Variants in PTPRD observed in about 807,000 individuals in gnomAD.
PTPRD encodes protein tyrosine phosphatase receptor type D.
In PTPRD, 34 loss-of-function variants were observed where a neutral mutation model predicts 214.5. The ratio of observed to expected loss-of-function variants is 0.16; its 90% confidence interval spans 0.12 to 0.21. The LOEUF is 0.21. Ranked by LOEUF, PTPRD falls within the 10% of genes least tolerant of loss-of-function variation. PTPRD has a pLI of 1.00. For synonymous variants in PTPRD, 1,128 were observed against 845.7 expected (o/e 1.33, Z -5.79); for missense variants, 2,545 against 2,398.7 (o/e 1.06, Z -1.27).
intron 12 of PTPRD, among the ~76,000 whole-genome samples, chr9:8,668,489 C>T (rs988908939): frequency 2.0e-5 from 3 of 152,122 alleles, no homozygotes; most frequent in Non-Finnish European, 4.4e-5. Context: ...TATGGCAAAG[C>T]GTTCCAGAAA....
intron 3 of PTPRD, among the ~76,000 whole-genome samples, chr9:10,194,333 TATATATATATATAGAGAGAGAGAGAG>T (rs1384825465): frequency 4.3e-3 from 274 of 63,282 alleles, no homozygotes; most frequent in Admixed American, 8.1e-3. Flanking sequence ...TATATATATA[TATATATATATATAGAGAGAGAGAGAG>T]AGAGAGAGAG....
intron 2 of PTPRD, among the ~76,000 whole-genome samples, chr9:10,436,876 G>A (rs562672105): frequency 1.3e-5 from 2 of 151,730 alleles, no homozygotes; most frequent in Non-Finnish European, 2.9e-5. Context: ...TGAAAACAGA[G>A]TTTAAGAGCT....
intron 11 of PTPRD, among the ~76,000 whole-genome samples, chr9:8,784,735 C>A (rs941321439): frequency 1.3e-5 from 2 of 152,146 alleles, no homozygotes; most frequent in Admixed American, 6.5e-5. Flanking sequence ...TCTCTACATC[C>A]ACATTAGTTA....
rs776820755 is a variant in PTPRD, at chr9:8,521,306, A to T, written c.932T>A (p.Ile311Asn). ...TCVAMSTLGV[I>N]EAIAQITVKA... The stretch of plus-strand genomic sequence containing the variant: ...GACAGTGATCTGTGCTATTGCTTCA[A>T]TGACACCCAGTGTTGACATAGCAAC... The change falls in exon 20 of 46, where the codon ATT (isoleucine) becomes AAT (asparagine). Residue 311 changes from isoleucine (I) to asparagine (N), a missense_variant. By Grantham distance (149) the Ile-to-Asn change is moderately radical. Coordinates refer to ENST00000381196, the MANE Select transcript of PTPRD (RefSeq NM_002839.4). The T allele has an allele frequency of 6.2e-7, 1 of 1,613,816 alleles. No homozygotes were observed. The highest frequency in any genetic ancestry group is 8.5e-7 in the Non-Finnish European group (1 of 1,179,818).
intron 12 of PTPRD, among the ~76,000 whole-genome samples, chr9:8,675,612 T>G (rs2097393464): frequency 6.8e-6 from 1 of 147,466 alleles, no homozygotes; most frequent in Non-Finnish European, 1.5e-5. Flanking sequence ...ATACCTCAAG[T>G]TCCTATCCAA....
At chr9:9,166,819 A>G (rs1425969129) in intron 10 of PTPRD, among the ~76,000 whole-genome samples, 2 of 152,166 alleles carry the variant, frequency 1.3e-5, no homozygotes, top group African/African-American at 4.8e-5. Flanking sequence ...CCTTCCAAAA[A>G]ACTCCAAAAA....
intron 4 of PTPRD, among the ~76,000 whole-genome samples, chr9:9,966,378 C>G (rs1587646287): frequency 6.6e-6 from 1 of 152,054 alleles, no homozygotes; most frequent in Non-Finnish European, 1.5e-5. Flanking sequence ...TATGTTCTTT[C>G]AAAGTAAATT....
At chr9:9,373,167 A>G (rs1569567788) in intron 9 of PTPRD, among the ~76,000 whole-genome samples, 1 of 152,080 alleles carries the variant, frequency 6.6e-6, no homozygotes, top group Non-Finnish European at 1.5e-5. Flanking sequence ...GGTTAAAGAC[A>G]TGGACTGAAG....
At chr9:10,590,615 T>C (rs958106202) in intron 2 of PTPRD, among the ~76,000 whole-genome samples, 7 of 152,028 alleles carry the variant, frequency 4.6e-5, no homozygotes, top group Non-Finnish European at 1.0e-4. Context: ...CTATCTTAGA[T>C]TCATTTTCAT....
Position 9,537,264 on chromosome 9 carries a change from C to A in PTPRD, c.-237+37468G>T, listed in dbSNP as rs1485304447. On this transcript the variant is annotated intron_variant, in intron 8 of 45. Transcript: ENST00000381196. ...TTTTTTTTATTTTTATAGAAAAAAA[C>A]GAAGTTTTAACGAACTTCTGTACAG... is the stretch of plus-strand genomic sequence containing the variant. Among the ~76,000 whole-genome samples, 3 of 151,664 alleles carry A rather than the reference C, an allele frequency of 2.0e-5. No individual in the cohort carries two copies. In the East Asian group the frequency reaches 5.8e-4, roughly 29 times the overall value.
chr9:8,658,917 T>G (rs908339054), intron 12 of PTPRD, among the ~76,000 whole-genome samples: 1 of 152,194 alleles, frequency 6.6e-6, no homozygotes, highest in Admixed American at 6.5e-5. Flanking sequence ...ACTAAAATGC[T>G]AATGAGGCTC....
At chr9:10,513,738 G>A (rs2049060130) in intron 2 of PTPRD, among the ~76,000 whole-genome samples, 1 of 152,148 alleles carries the variant, frequency 6.6e-6, no homozygotes, top group Non-Finnish European at 1.5e-5. Flanking sequence ...CACTGTGGCA[G>A]TAGTCAATGA....
At chr9:10,032,072 T>C (rs1332062610) in intron 4 of PTPRD, among the ~76,000 whole-genome samples, 2 of 152,116 alleles carry the variant, frequency 1.3e-5, no homozygotes, top group Admixed American at 1.3e-4. Context: ...ATTAATTAAA[T>C]GTGAGCTACT....
At chr9:9,627,125 C>T (rs922230399) in intron 7 of PTPRD, among the ~76,000 whole-genome samples, 6 of 152,058 alleles carry the variant, frequency 3.9e-5, no homozygotes, top group Non-Finnish European at 8.8e-5. Context: ...ACCAGCCTGG[C>T]CAACATGGTG....
At chr9:9,799,174 A>T (rs2099022734) in intron 5 of PTPRD, among the ~76,000 whole-genome samples, 1 of 152,188 alleles carries the variant, frequency 6.6e-6, no homozygotes, top group Non-Finnish European at 1.5e-5. Context: ...TATAGCAAAT[A>T]AATGAGATAG....
intron 9 of PTPRD, among the ~76,000 whole-genome samples, chr9:9,255,168 T>G (rs4742579): frequency 6.6e-6 from 1 of 151,988 alleles, no homozygotes; most frequent in Admixed American, 6.6e-5. Context: ...CTGTAGTTCA[T>G]TGCCACTGGA....
intron 11 of PTPRD, among the ~76,000 whole-genome samples, chr9:8,793,925 T>C (rs1184140293): frequency 6.6e-6 from 1 of 152,186 alleles, no homozygotes; most frequent in African/African-American, 2.4e-5. Context: ...CTGGCTGGAT[T>C]AACTTTTACC....
chr9:10,486,089 A>AT (rs1223879724), intron 2 of PTPRD, among the ~76,000 whole-genome samples: 1 of 150,962 alleles, frequency 6.6e-6, no homozygotes, highest in African/African-American at 2.4e-5. Flanking sequence ...TTGGACCTTT[A>AT]TCAGGTGGGT....
chr9:10,238,185 G>T (rs2099635348), intron 3 of PTPRD, among the ~76,000 whole-genome samples: 1 of 53,860 alleles, frequency 1.9e-5, no homozygotes, highest in African/African-American at 4.0e-5. Flanking sequence ...TGCTCTAAAG[G>T]ACAGGAAGAA....
Sources: allele counts gnomAD v4.1 joint callset (sites outside exome capture counted in the v4.1 genomes callset), GRCh38; gene constraint gnomAD v4.1.1; transcripts MANE v1.5; gene names NCBI Gene and HGNC (gene_info 2026-07-23, HGNC 2026-07-21).